HIF3A: variants seen among roughly 807,000 people sequenced by gnomAD.
The protein encoded by HIF3A is hypoxia inducible factor 3 subunit alpha.
HIF3A carries 41 observed loss-of-function variants against 67.2 expected under a neutral mutation model. The observed-to-expected ratio is 0.61, with a 90% confidence interval of 0.48 to 0.79. The LOEUF is 0.79. HIF3A is among the 30% of genes least tolerant of loss of function. HIF3A has a pLI of 0.00. For synonymous variants in HIF3A, 356 were observed against 374.8 expected, an observed-to-expected ratio of 0.95 and a Z score of 0.58; for missense variants, 855 against 898.0, an observed-to-expected ratio of 0.95 and a Z score of 0.61.
At chr19:46,323,300 C>T (rs896881100) in intron 10 of HIF3A, among the ~76,000 whole-genome samples, 1 of 151,930 alleles carries the variant, frequency 6.6e-6, no homozygotes, top group African/African-American at 2.4e-5. Context: ...CCACCCGCCT[C>T]GGCCTCCCAA....
At chr19:46,318,770 G>A (rs1007315463) in intron 8 of HIF3A, among the ~76,000 whole-genome samples, 13 of 151,858 alleles carry the variant, frequency 8.6e-5, no homozygotes, top group African/African-American at 3.1e-4. Context: ...ACAGGCGCAT[G>A]CCACCACACT....
At chr19:46,316,195 C>A (rs1969900372) in intron 8 of HIF3A, among the ~76,000 whole-genome samples, 1 of 152,124 alleles carries the variant, frequency 6.6e-6, no homozygotes, top group Non-Finnish European at 1.5e-5. Context: ...CAGGCCACTG[C>A]ACTCCAGCCT....
chr19:46,341,012 A>G lies in HIF3A; in HGVS notation c.*1390A>G, dbSNP rs1971915690. 6.6e-6 allele frequency: 1 copy of G among 152,128 alleles called. No homozygotes were observed. Among genetic ancestry groups the G allele is most frequent in the South Asian group, 2.1e-4 (1 of 4,826 alleles). 9.4% of individuals were successfully genotyped at this position (152,128 alleles called of 1,614,324 possible). ...GAATTCACTAACTTCCTCTGGTTCT[A>G]GACCTCTTCCTATAAATTAATCCCT... On this transcript the variant is annotated 3_prime_UTR_variant, in exon 15 of 15. Coordinates refer to ENST00000377670, the MANE Select transcript of HIF3A (RefSeq NM_152795.4).
chr19:46,312,436 C>G, intron 7 of HIF3A, 70 bp from the exon 8 acceptor site: 1 of 1,599,686 alleles, frequency 6.3e-7, no homozygotes, highest in South Asian at 1.1e-5. Flanking sequence ...CCCTCATACC[C>G]AGTCCCCAGA....
At position 46,304,162 on chromosome 19, in the gene HIF3A, C is replaced by A; in HGVS notation, c.217+74C>A. ...GAAAAAAACTACATCCCAGGGAGGC[C>A]CCTCCTCCGGGAAGCCTTATTCTGA... On this transcript the variant is annotated intron_variant, in intron 2 of 14. Coordinates refer to ENST00000377670, the MANE Select transcript of HIF3A (RefSeq NM_152795.4). 2.9e-6 allele frequency: 4 copies of A among 1,360,340 alleles called. No homozygotes were observed. In the South Asian group the frequency reaches 5.2e-5, roughly 18 times the overall value. 84.3% of individuals were successfully genotyped at this position (1,360,340 alleles called of 1,614,324 possible).
At chr19:46,308,615 C>A in intron 4 of HIF3A, 48 bp from the exon 5 acceptor site, 1 of 1,159,366 alleles carries the variant, frequency 8.6e-7, no homozygotes, top group Non-Finnish European at 1.2e-6. Context: ...GGCACTGGGC[C>A]TGTGTGTAGC....
At chr19:46,312,027 C>A (rs1413361117) in intron 6 of HIF3A, 134 bp from the exon 7 acceptor site, 1 of 791,438 alleles carries the variant, frequency 1.3e-6, no homozygotes, top group South Asian at 1.3e-5. Context: ...TTTCTTACTC[C>A]TTTTCTCTCG....
rs1481268002 is a variant in HIF3A at position 46,298,561 on chromosome 19, T to G, written c.26+1459T>G. On this transcript the variant is annotated intron_variant, in intron 1 of 14. Transcript: ENST00000377670. Reference sequence around the variant, plus strand: ...CCTTTCCCCCTTCCCTTCCTCTAGCTGGGGCTGGCTGCCATCCCACTGTGG... The same window carrying G: ...CCTTTCCCCCTTCCCTTCCTCTAGCGGGGGCTGGCTGCCATCCCACTGTGG... 1.1e-5 allele frequency: 13 copies of G among 1,213,348 alleles called. 1 individual carries two copies. In the South Asian group the frequency reaches 1.7e-4, roughly 16 times the overall value. 75.2% of individuals were successfully genotyped at this position (1,213,348 alleles called of 1,614,324 possible).
chr19:46,306,939 T>A (rs1968903953), intron 3 of HIF3A, among the ~76,000 whole-genome samples: 1 of 152,138 alleles, frequency 6.6e-6, no homozygotes, highest in Non-Finnish European at 1.5e-5. Flanking sequence ...AGCACCACGC[T>A]CATTTCCTAA....
intron 2 of HIF3A, 190 bp downstream of exon 2, chr19:46,304,278 C>T: frequency 3.3e-6 from 2 of 598,434 alleles, no homozygotes; most frequent in Non-Finnish European, 5.9e-6. Context: ...CCTTTGAGTT[C>T]CTGGCCTGCT....
At chr19:46,327,384 T>C (rs937135569) in intron 11 of HIF3A, among the ~76,000 whole-genome samples, 1 of 151,700 alleles carries the variant, frequency 6.6e-6, no homozygotes, top group Non-Finnish European at 1.5e-5. Flanking sequence ...GACGCAATCT[T>C]GGCTCACTGC....
chr19:46,298,440 C>T, intron 1 of HIF3A: 1 of 1,288,574 alleles, frequency 7.8e-7, no homozygotes, highest in Non-Finnish European at 1.0e-6. Flanking sequence ...GTAACTCGCA[C>T]CCGGGTCCTG....
chr19:46,303,569 C>A (rs542550285), intron 1 of HIF3A: 1 of 1,513,246 alleles, frequency 6.6e-7, no homozygotes, highest in South Asian at 1.2e-5. Context: ...CCCTGTCCCC[C>A]AGGCGTCCCT....
Position 46,297,057 on chromosome 19 carries a change from G to T in HIF3A, c.-20G>T, listed in dbSNP as rs758040017. 13 of 1,305,190 alleles carry T rather than the reference G, an allele frequency of 1.0e-5. 1 individual carries two copies. In the African/African-American group the frequency reaches 2.0e-4, roughly 20 times the overall value. The allele number at this position is 1,305,190 out of a possible 1,614,324, so 80.9% of individuals were successfully genotyped here. A position where few individuals can be genotyped will look rare whatever the true frequency, so the allele number is the denominator to read the frequency against. ...GGGGCTAGGGGCCTCCGAGGGCTCC[G>T]GAGCGGCGACTGGCGAGCCATGGCG... On this transcript the variant is annotated 5_prime_UTR_variant, in exon 1 of 15. Transcript: ENST00000377670. This position sits in a 1 kb window ranked among gnomAD's most constrained non-coding sequence, Gnocchi z 4.5.
intron 11 of HIF3A, among the ~76,000 whole-genome samples, chr19:46,328,771 G>T (rs1054178161): frequency 1.3e-5 from 2 of 151,986 alleles, no homozygotes; most frequent in African/African-American, 4.8e-5. Context: ...ACTCAGGCTG[G>T]ACTGCGATGG....
In HIF3A at chr19:46,312,230, G is replaced by A. The variant is rs776380721; in HGVS notation, c.840G>A (p.Ala280=). ...IGCSAYEYIH[A]LDSDAVSKSI... is the part of the protein sequence containing the mutation. ...GTTCCGCCTACGAGTACATCCACGC[G>A]CTGGACTCCGATGCGGTCAGCAAGA... Residue 280 remains alanine (A), a synonymous_variant, in exon 7 of 15, where the codon GCG becomes GCA. Transcript: ENST00000377670. The A allele has an allele frequency of 1.9e-5, 30 of 1,613,694 alleles. No individual in the cohort carries two copies. In the Middle Eastern group the frequency reaches 8.2e-4, roughly 44 times the overall value.
At chr19:46,329,505 A>C (rs1411037567) in intron 12 of HIF3A, 27 bp downstream of exon 12, 1 of 1,479,828 alleles carries the variant, frequency 6.8e-7, no homozygotes. Flanking sequence ...GGGGGACATC[A>C]AGGCAGCATC....
intron 14 of HIF3A, among the ~76,000 whole-genome samples, chr19:46,338,032 C>A (rs1156255305): frequency 6.6e-6 from 1 of 152,162 alleles, no homozygotes; most frequent in African/African-American, 2.4e-5. Flanking sequence ...TTCACGCACT[C>A]GCACTGTGCC....
chr19:46,306,720 TTC>T (rs1163030578), intron 3 of HIF3A: 1 of 152,326 alleles, frequency 6.6e-6, no homozygotes, highest in Non-Finnish European at 1.5e-5. Context: ...TGGTACCAAT[TTC>T]TCTGTTAGTG....
Sources: allele counts gnomAD v4.1 joint callset (sites outside exome capture counted in the v4.1 genomes callset), GRCh38; gene constraint gnomAD v4.1.1; non-coding constraint Gnocchi (gnomAD v3.1); transcripts MANE v1.5; gene names NCBI Gene and HGNC (gene_info 2026-07-23, HGNC 2026-07-21).